ASIC2: variants seen among roughly 807,000 people sequenced by gnomAD.
ASIC2 encodes the protein acid-sensing ion channel 2.
Under a neutral mutation model 57.3 loss-of-function variants are expected in ASIC2, and 25 were observed. That is an observed-to-expected ratio of 0.44 (90% CI 0.32 to 0.61). ASIC2 has a LOEUF of 0.61. Ranked by LOEUF, ASIC2 falls within the 20% of genes least tolerant of loss-of-function variation. The pLI is 0.06. For missense variants in ASIC2, 641 were observed against 738.1 expected, an observed-to-expected ratio of 0.87 and a Z score of 1.52; for synonymous variants, 319 against 307.5, an observed-to-expected ratio of 1.04 and a Z score of -0.39.
At chr17:33,330,714 C>T (rs945149589) in intron 1 of ASIC2, among the ~76,000 whole-genome samples, 4 of 152,142 alleles carry the variant, frequency 2.6e-5, no homozygotes, top group African/African-American at 9.7e-5. Flanking sequence ...GTCCTCTTTC[C>T]CTGCACTGTC....
chr17:33,093,123 T>A (rs2092164252), intron 2 of ASIC2, among the ~76,000 whole-genome samples: 1 of 152,152 alleles, frequency 6.6e-6, no homozygotes, highest in South Asian at 2.1e-4. Context: ...CAAATGAAAA[T>A]GCAGGACCCC....
intron 1 of ASIC2, among the ~76,000 whole-genome samples, chr17:33,412,924 C>T (rs1008582276): frequency 6.6e-6 from 1 of 152,132 alleles, no homozygotes; most frequent in Non-Finnish European, 1.5e-5. Flanking sequence ...ATGAGAAGAG[C>T]GTGCAAGGAA....
At chr17:33,497,231 G>A (rs1260466943) in intron 1 of ASIC2, among the ~76,000 whole-genome samples, 1 of 152,218 alleles carries the variant, frequency 6.6e-6, no homozygotes, top group Non-Finnish European at 1.5e-5. Context: ...TTAAAATGCT[G>A]TCTTGCTCTG....
Position 33,103,163 on chromosome 17 carries a change from C to T in ASIC2, c.859+8754G>A, listed in dbSNP as rs115160902. On this transcript the variant is annotated intron_variant, in intron 2 of 9. Transcript: ENST00000225823. ...ATGCTTGTGGTTATGGAGGCAGTAT[C>T]ATCTCTTATCTCTCTTGAGAATTTT... Among the ~76,000 whole-genome samples, 396 of 152,254 alleles carry T rather than the reference C, an allele frequency of 2.6e-3. 1 individual carries two copies. Among genetic ancestry groups the T allele is most frequent in the African/African-American group, 8.9e-3 (370 of 41,552 alleles).
chr17:33,328,934 T>A (rs1907191289), intron 1 of ASIC2, among the ~76,000 whole-genome samples: 1 of 152,226 alleles, frequency 6.6e-6, no homozygotes, highest in East Asian at 1.9e-4. Context: ...AACACCTTTC[T>A]CCTCTTGCTA....
intron 1 of ASIC2, among the ~76,000 whole-genome samples, chr17:33,450,064 C>T (rs538525135): frequency 1.1e-4 from 16 of 152,266 alleles, no homozygotes; most frequent in South Asian, 6.2e-4. Context: ...CCACCACACC[C>T]GGCCATCACA....
chr17:33,823,991 T>C (rs947274513), intron 1 of ASIC2, among the ~76,000 whole-genome samples: 2 of 151,940 alleles, frequency 1.3e-5, no homozygotes, highest in Non-Finnish European at 2.9e-5. Context: ...CTGAGGAGAG[T>C]GGATTGTTTC....
intron 1 of ASIC2, among the ~76,000 whole-genome samples, chr17:33,791,593 C>T (rs1165757951): frequency 1.3e-5 from 2 of 152,076 alleles, no homozygotes; most frequent in Non-Finnish European, 2.9e-5. Flanking sequence ...AGTCCCCAAA[C>T]CTGTATATAA....
At chr17:33,851,211 T>C (rs1035317170) in intron 1 of ASIC2, among the ~76,000 whole-genome samples, 54 of 152,304 alleles carry the variant, frequency 3.5e-4, no homozygotes, top group African/African-American at 1.3e-3. Context: ...TCCCCAATTC[T>C]CAAGGAGAAG....
chr17:33,829,046 G>A (rs1366902541), intron 1 of ASIC2, among the ~76,000 whole-genome samples: 2 of 152,192 alleles, frequency 1.3e-5, no homozygotes, highest in East Asian at 3.9e-4. Flanking sequence ...TTTACTTAAA[G>A]CCAAAATGAA....
chr17:34,114,936 T>C (rs1487364165), intron 1 of ASIC2, among the ~76,000 whole-genome samples: 1 of 152,178 alleles, frequency 6.6e-6, no homozygotes, highest in East Asian at 1.9e-4. Context: ...CAGGGCCATG[T>C]CTAATGAGCA....
At chr17:33,674,477 T>C (rs1446525465) in intron 1 of ASIC2, among the ~76,000 whole-genome samples, 1 of 152,214 alleles carries the variant, frequency 6.6e-6, no homozygotes, top group Non-Finnish European at 1.5e-5. Flanking sequence ...TGCAAATCAA[T>C]GAATAATGGC....
intron 1 of ASIC2, among the ~76,000 whole-genome samples, chr17:33,431,029 G>T (rs954621020): frequency 6.6e-6 from 1 of 152,128 alleles, no homozygotes; most frequent in Admixed American, 6.5e-5. Context: ...GGATGCAGAG[G>T]GGGGCAGCAA....
Position 34,099,102 on chromosome 17 carries a change from AAGAGAGAGAGAGAGAGAGAG to A in ASIC2, c.555+56856_555+56875del, listed in dbSNP as rs74200841. Among the ~76,000 whole-genome samples, 18 of 81,186 alleles carry A rather than the reference AAGAGAGAGAGAGAGAGAGAG, an allele frequency of 2.2e-4. 2 individuals carry two copies. The highest frequency in any genetic ancestry group is 2.9e-4 in the Admixed American group (2 of 6,916). The allele number at this position is 81,186 out of a possible 152,430, so 53.3% of individuals were successfully genotyped here. A position where few individuals can be genotyped will look rare whatever the true frequency, so the allele number is the denominator to read the frequency against. Reference sequence around the variant, plus strand: ...GAGCAGCAGCTACATTAAGAGAGAAAAGAGAGAGAGAGAGAGAGAGAGAGAGAGAGAGAGAGAGAGAGACA... The same window carrying A: ...GAGCAGCAGCTACATTAAGAGAGAAAAGAGAGAGAGAGAGAGAGAGAGACA... On this transcript the variant is annotated intron_variant, in intron 1 of 9. Coordinates refer to the ASIC2 transcript ENST00000359872.
chr17:33,759,628 A>G (rs1490789149), intron 1 of ASIC2, among the ~76,000 whole-genome samples: 1 of 152,126 alleles, frequency 6.6e-6, no homozygotes, highest in Non-Finnish European at 1.5e-5. Flanking sequence ...AGGATGGCAG[A>G]ATGGTTTCAG....
chr17:33,462,693 T>C (rs1446402578), intron 1 of ASIC2, among the ~76,000 whole-genome samples: 2 of 152,240 alleles, frequency 1.3e-5, no homozygotes, highest in African/African-American at 4.8e-5. Context: ...GTCCCCTCCC[T>C]TTTGGTAAGT....
chr17:33,769,674 A>G (rs1911037931), intron 1 of ASIC2, among the ~76,000 whole-genome samples: 1 of 152,208 alleles, frequency 6.6e-6, no homozygotes, highest in Admixed American at 6.5e-5. Flanking sequence ...GAATTTATGG[A>G]TTTTCCCTGA....
intron 1 of ASIC2, among the ~76,000 whole-genome samples, chr17:34,120,564 G>A (rs1467865526): frequency 6.6e-6 from 1 of 151,536 alleles, no homozygotes; most frequent in South Asian, 2.1e-4. Context: ...GTTATGGGTT[G>A]AATTGTATCT....
intron 1 of ASIC2, among the ~76,000 whole-genome samples, chr17:33,747,031 A>T (rs898939168): frequency 6.6e-6 from 1 of 152,120 alleles, no homozygotes; most frequent in Non-Finnish European, 1.5e-5. Context: ...CTTGACAACG[A>T]TGTTCTCCTC....
Sources: gnomAD v4.1 joint callset for allele counts (sites outside exome capture counted in the v4.1 genomes callset) on GRCh38, gnomAD v4.1.1 for gene constraint, MANE v1.5 for transcripts, NCBI Gene and HGNC (gene_info 2026-07-23, HGNC 2026-07-21) for gene names.